BRCA1: variants seen among roughly 807,000 people sequenced by gnomAD.
BRCA1 encodes the protein breast cancer type 1 susceptibility protein.
In BRCA1, 140 loss-of-function variants were observed where a neutral mutation model predicts 173.7. The observed-to-expected ratio is 0.81, with a 90% CI of 0.70 to 0.93. BRCA1 has a LOEUF of 0.93. BRCA1 is among the 40% of genes least tolerant of loss of function. BRCA1 has a pLI of 0.00. For synonymous variants in BRCA1, 662 were observed against 756.0 expected (o/e 0.88, Z 2.04); for missense variants, 1,983 against 2,172.5 (o/e 0.91, Z 1.73).
chr17:43,075,506 C>T (rs2052669373), intron 13 of BRCA1, among the ~76,000 whole-genome samples: 1 of 151,962 alleles, frequency 6.6e-6, no homozygotes, highest in African/African-American at 2.4e-5. Flanking sequence ...GGGTCAAATA[C>T]TAAGGCTAGG....
chr17:43,090,623 C>G (rs1187700911), intron 11 of BRCA1, among the ~76,000 whole-genome samples: 2 of 152,226 alleles, frequency 1.3e-5, no homozygotes, highest in African/African-American at 4.8e-5. Flanking sequence ...GATCCACCCA[C>G]CTTGGCCTCC....
rs1455551570 is a variant in BRCA1 at position 43,067,038 on chromosome 17, G to A, written c.5074+570C>T. Among the ~76,000 whole-genome samples, 3 of 151,138 alleles carry A rather than the reference G, an allele frequency of 2.0e-5. No individual in the cohort carries two copies. In the East Asian group the frequency reaches 5.9e-4, roughly 30 times the overall value. The stretch of plus-strand genomic sequence containing the variant: ...TCAACACGTTGGCCAGGCTGGTCTC[G>A]AACTCCTGACCTCAGGTGATCCACC... On this transcript the variant is annotated intron_variant, in intron 16 of 22. Transcript: ENST00000357654.
intron 14 of BRCA1, among the ~76,000 whole-genome samples, 199 bp from the exon 15 acceptor site, chr17:43,071,437 C>T (rs1290681516): frequency 1.3e-5 from 2 of 152,100 alleles, no homozygotes; most frequent in African/African-American, 4.8e-5. Flanking sequence ...CACCTTAACA[C>T]GTATTTACAC....
intron 1 of BRCA1, among the ~76,000 whole-genome samples, chr17:43,149,492 C>T (rs1057179688): frequency 2.6e-5 from 4 of 151,994 alleles, no homozygotes; most frequent in African/African-American, 9.7e-5. Context: ...ACCTTGGCCT[C>T]CCAAAGTGCT....
intron 1 of BRCA1, among the ~76,000 whole-genome samples, chr17:43,147,664 A>C (rs2056132319): frequency 1.3e-5 from 2 of 152,216 alleles, no homozygotes; most frequent in Non-Finnish European, 1.5e-5. Flanking sequence ...GGGCCCAAAA[A>C]CCAGTAAGAT....
In BRCA1 at chr17:43,099,859, G is replaced by C. The variant is rs80357180; in HGVS notation, c.463C>G (p.Gln155Glu). The C allele has an allele frequency of 8.1e-6, 13 of 1,613,254 alleles. No homozygotes were observed. The highest frequency in any genetic ancestry group is 1.1e-5 in the Non-Finnish European group (13 of 1,179,246). The change falls in exon 7 of 23, where the codon CAA becomes GAA. Residue 155 changes from glutamine to glutamate, a missense_variant. By Grantham distance (29) the Gln-to-Glu change is conservative. Coordinates refer to ENST00000357654, the MANE Select transcript of BRCA1 (RefSeq NM_007294.4). Reference protein sequence around the residue: ...PSLQETSLSVQLSNLGTVRTL... With the variant: ...PSLQETSLSVELSNLGTVRTL... ...CTCACAGTTCCAAGGTTAGAGAGTT[G>C]GACACTGAGACTGGTTTCCTGCTAA...
chr17:43,143,491 T>C (rs952603619), intron 1 of BRCA1, among the ~76,000 whole-genome samples: 2 of 152,228 alleles, frequency 1.3e-5, no homozygotes, highest in Non-Finnish European at 2.9e-5. Context: ...GCTGCTGTTC[T>C]GCAGTTAGCA....
intron 2 of BRCA1, among the ~76,000 whole-genome samples, chr17:43,119,661 A>G (rs1221826942): frequency 6.6e-6 from 1 of 152,154 alleles, no homozygotes; most frequent in Non-Finnish European, 1.5e-5. Context: ...GTGACTTTAA[A>G]AAGAAAAACA....
At chr17:43,075,542 C>A (rs2052671251) in intron 13 of BRCA1, among the ~76,000 whole-genome samples, 1 of 151,960 alleles carries the variant, frequency 6.6e-6, no homozygotes, top group Non-Finnish European at 1.5e-5. Context: ...ATGGGTGAGA[C>A]CTGAATTACT....
At chr17:43,138,311 C>T (rs146344229) in intron 1 of BRCA1, 10 of 361,914 alleles carry the variant, frequency 2.8e-5, no homozygotes, top group African/African-American at 8.3e-5. Flanking sequence ...ATATGGCCTG[C>T]GGACCGCTCA....
upstream of BRCA1, among the ~76,000 whole-genome samples, chr17:43,126,300 A>G (rs2154580750): frequency 6.6e-6 from 1 of 152,318 alleles, no homozygotes; most frequent in South Asian, 2.1e-4. Context: ...TTGAGGGACA[A>G]GTGGTAAGAG....
chr17:43,168,291 G>GT (rs1184836264), intron 1 of BRCA1: 1 of 378,904 alleles, frequency 2.6e-6, no homozygotes, highest in South Asian at 2.0e-5. Context: ...AGAAAAACAT[G>GT]TATCTTTTAA....
In BRCA1 at chr17:43,147,651, T is replaced by C. The variant is rs575156477; in HGVS notation, c.-20+22475A>G. Reference sequence around the variant, plus strand: ...TGAGGTTTGTATAAAAGGAATAGAGTGGGGGCCCAAAAACCAGTAAGATGA... The same window carrying C: ...TGAGGTTTGTATAAAAGGAATAGAGCGGGGGCCCAAAAACCAGTAAGATGA... On this transcript the variant is annotated intron_variant, in intron 1 of 7. Coordinates refer to the BRCA1 transcript ENST00000634433. 4.6e-5 allele frequency among the ~76,000 whole-genome samples: 7 copies of C among 152,198 alleles called. 1 individual carries two copies. The East Asian group carries it at 5.8e-4, about 13-fold the overall frequency.
intron 11 of BRCA1, among the ~76,000 whole-genome samples, chr17:43,090,083 C>T: frequency 6.6e-6 from 1 of 151,008 alleles, no homozygotes; most frequent in East Asian, 1.9e-4. Flanking sequence ...GAAGTATCCA[C>T]AAAACAGTGA....
At chr17:43,115,622 C>T (rs951594103) in intron 3 of BRCA1, 104 bp downstream of exon 3, 2 of 1,164,484 alleles carry the variant, frequency 1.7e-6, no homozygotes, top group Non-Finnish European at 1.2e-6. Flanking sequence ...TTCGTTCTCA[C>T]TTAATTGAAG....
In BRCA1 at chr17:43,091,610, A is replaced by G; in HGVS notation, c.3921T>C (p.Thr1307=). 6.2e-7 allele frequency: 1 copy of G among 1,614,226 alleles called. No homozygotes were observed. The highest frequency in any genetic ancestry group is 8.5e-7 in the Non-Finnish European group (1 of 1,180,038). The part of the protein sequence containing the change: ...SSQCSELEDL[T]ANTNTQDPFL... Reference sequence around the variant, plus strand: ...AAGGATCCTGGGTGTTTGTATTTGCAGTCAAGTCTTCCAATTCACTGCACT... The same window carrying G: ...AAGGATCCTGGGTGTTTGTATTTGCGGTCAAGTCTTCCAATTCACTGCACT... The change falls in exon 10 of 23, where the codon ACT becomes ACC. Residue 1307 remains threonine, a synonymous_variant. Transcript: ENST00000357654.
chr17:43,161,795 T>C (rs2056237384), intron 1 of BRCA1: 1 of 152,200 alleles, frequency 6.6e-6, no homozygotes, highest in Non-Finnish European at 1.5e-5. Flanking sequence ...AGGTACTAAT[T>C]CTCGGGCTTC....
intron 12 of BRCA1, among the ~76,000 whole-genome samples, chr17:43,080,299 T>C (rs1030815317): frequency 7.9e-5 from 12 of 152,170 alleles, no homozygotes; most frequent in Non-Finnish European, 1.6e-4. Flanking sequence ...AATAATAAAC[T>C]AGGCCAGGCA....
At chr17:43,142,019 C>T (rs971168152) in intron 1 of BRCA1, among the ~76,000 whole-genome samples, 12 of 151,932 alleles carry the variant, frequency 7.9e-5, no homozygotes, top group African/African-American at 2.9e-4. Flanking sequence ...TCAAGCAATT[C>T]TCCCTGCTTC....
Sources: gnomAD v4.1 joint callset for allele counts (sites outside exome capture counted in the v4.1 genomes callset) on GRCh38, gnomAD v4.1.1 for gene constraint, MANE v1.5 for transcripts, NCBI Gene and HGNC (gene_info 2026-07-23, HGNC 2026-07-21) for gene names.